The following DPP6 variants were observed in gnomAD, a reference collection of about 807,000 sequenced individuals.
DPP6 encodes the protein A-type potassium channel modulatory protein DPP6.
A neutral mutation model predicts 122.6 loss-of-function variants in DPP6; 69 were observed. The ratio of observed to expected loss-of-function variants is 0.56; its 90% CI spans 0.46 to 0.69. The LOEUF (loss-of-function observed/expected upper bound fraction) is 0.69, where lower values mean the gene tolerates loss of function less well. Among genes scored for constraint, DPP6 ranks in the 30% least tolerant of loss-of-function variants. The pLI is 0.00. For synonymous variants in DPP6, 418 were observed against 433.1 expected, an observed-to-expected ratio of 0.97 and a Z score of 0.43; for missense variants, 928 against 1,116.9, an observed-to-expected ratio of 0.83 and a Z score of 2.41.
At chr7:154,195,825 C>G (rs1243931438) in intron 1 of DPP6, among the ~76,000 whole-genome samples, 1 of 152,180 alleles carries the variant, frequency 6.6e-6, no homozygotes, top group Non-Finnish European at 1.5e-5. Context: ...TTCTAGAGGA[C>G]AGCAGTGTGT....
intron 1 of DPP6, among the ~76,000 whole-genome samples, chr7:154,377,720 C>A (rs114100845): frequency 6.6e-6 from 1 of 152,136 alleles, no homozygotes; most frequent in African/African-American, 2.4e-5. Context: ...CTGAGGCCTC[C>A]CCAGCCGTGT....
Position 154,892,572 on chromosome 7 carries a change from G to A in DPP6, c.*92G>A. 1.3e-6 allele frequency: 2 copies of A among 1,563,472 alleles called. No homozygotes were observed. Among genetic ancestry groups the A allele is most frequent in the South Asian group, 1.2e-5 (1 of 83,274 alleles). The stretch of plus-strand genomic sequence containing the variant: ...CCCTCCCTCTTCCCTCGGAGGGGCG[G>A]GGCGGGGCGGGGCCGGGTGTTCCAT... On this transcript the variant is annotated 3_prime_UTR_variant, in exon 26 of 26. Coordinates refer to ENST00000377770, the MANE Select transcript of DPP6 (RefSeq NM_130797.4).
intron 1 of DPP6, among the ~76,000 whole-genome samples, chr7:154,319,460 G>A (rs1585923998): frequency 6.6e-6 from 1 of 152,290 alleles, no homozygotes; most frequent in African/African-American, 2.4e-5. Flanking sequence ...TTGGGAGGCC[G>A]AGGCGGGTGG....
At chr7:154,432,801 T>C (rs1280030396) in intron 1 of DPP6, among the ~76,000 whole-genome samples, 3 of 152,316 alleles carry the variant, frequency 2.0e-5, no homozygotes, top group Non-Finnish European at 4.4e-5. Context: ...TGTTCGATAA[T>C]GATGTCACTG....
intron 1 of DPP6, among the ~76,000 whole-genome samples, chr7:154,327,043 G>A (rs894636668): frequency 5.9e-5 from 9 of 152,114 alleles, no homozygotes; most frequent in East Asian, 3.9e-4. Flanking sequence ...AGAGACGCCT[G>A]TGTCTAGGTG....
chr7:154,222,598 T>A (rs1246584726), intron 1 of DPP6, among the ~76,000 whole-genome samples: 1 of 147,608 alleles, frequency 6.8e-6, no homozygotes, highest in Admixed American at 6.7e-5. Flanking sequence ...GAGGTTGCAG[T>A]GAGCCGAGAT....
At chr7:154,528,186 C>T (rs1379546403) in intron 3 of DPP6, among the ~76,000 whole-genome samples, 2 of 152,086 alleles carry the variant, frequency 1.3e-5, no homozygotes, top group African/African-American at 4.8e-5. Flanking sequence ...GTAAGCTTTC[C>T]TTTTGGAAAT....
intron 1 of DPP6, among the ~76,000 whole-genome samples, chr7:154,310,775 C>T (rs1301289958): frequency 1.3e-5 from 2 of 152,172 alleles, no homozygotes; most frequent in South Asian, 4.1e-4. Flanking sequence ...GAGGAATGAA[C>T]AGCGTGCACG....
rs545731446 is a variant in DPP6, at chr7:154,769,714, C to G, written c.1038+143C>G. On this transcript the variant is annotated intron_variant, in intron 9 of 25. Coordinates refer to ENST00000377770, the MANE Select transcript of DPP6 (RefSeq NM_130797.4). The stretch of plus-strand genomic sequence containing the variant: ...AAGAAAGACTAATCATGTCTCATTA[C>G]ATTGCATTACATTCCCGCCTCTGTT... 110 of 1,155,400 alleles carry G rather than the reference C, an allele frequency of 9.5e-5. 1 individual carries two copies. The South Asian group carries it at 1.1e-3, about 12-fold the overall frequency. 71.6% of individuals were successfully genotyped at this position (1,155,400 alleles called of 1,614,324 possible). A position where few individuals can be genotyped will look rare whatever the true frequency, so the allele number is the denominator to read the frequency against.
chr7:153,979,521 T>C (rs905761137), intron 1 of DPP6, among the ~76,000 whole-genome samples: 2 of 152,256 alleles, frequency 1.3e-5, no homozygotes, highest in African/African-American at 2.4e-5. Flanking sequence ...CTCTTCCTAA[T>C]TGAATATGCT....
chr7:154,816,264 A>G (rs942230926), intron 16 of DPP6, among the ~76,000 whole-genome samples: 2 of 152,160 alleles, frequency 1.3e-5, no homozygotes, highest in African/African-American at 4.8e-5. Context: ...TATTATAAAC[A>G]ATAAGATATT....
At chr7:154,385,838 G>C (rs1423735600) in intron 1 of DPP6, among the ~76,000 whole-genome samples, 1 of 152,148 alleles carries the variant, frequency 6.6e-6, no homozygotes, top group Non-Finnish European at 1.5e-5. Context: ...AGGGGTCATT[G>C]CTAGGCAGGC....
intron 1 of DPP6, among the ~76,000 whole-genome samples, chr7:154,085,118 GA>G (rs369868288): frequency 4.1e-5 from 6 of 147,842 alleles, no homozygotes; most frequent in Admixed American, 1.4e-4. Context: ...AAAGAATAAA[GA>G]AAAAAAAAGA....
chr7:154,493,839 G>T (rs1824498014), intron 3 of DPP6, among the ~76,000 whole-genome samples: 1 of 152,130 alleles, frequency 6.6e-6, no homozygotes, highest in Non-Finnish European at 1.5e-5. Flanking sequence ...GTTTTGATTT[G>T]GTTTGGTTTA....
At chr7:154,341,235 G>A (rs1281474428) in intron 1 of DPP6, among the ~76,000 whole-genome samples, 1 of 152,196 alleles carries the variant, frequency 6.6e-6, no homozygotes, top group Non-Finnish European at 1.5e-5. Flanking sequence ...GTCAAGTGCA[G>A]CGAGGATTCC....
At chr7:154,276,141 G>T (rs1420966791) in intron 1 of DPP6, among the ~76,000 whole-genome samples, 1 of 152,134 alleles carries the variant, frequency 6.6e-6, no homozygotes, top group Non-Finnish European at 1.5e-5. Flanking sequence ...TACTGAGGGT[G>T]GGTCTATTTT....
chr7:154,607,000 G>T lies in DPP6; in HGVS notation c.628-30821G>T, dbSNP rs1412850171. The stretch of plus-strand genomic sequence containing the variant: ...CATACTGTACTGTTGTAATAATTTT[G>T]TAGCCACCTGCTGCTGCTATTATGG... On this transcript the variant is annotated intron_variant, in intron 5 of 25. Coordinates refer to ENST00000377770, the MANE Select transcript of DPP6 (RefSeq NM_130797.4). Among the ~76,000 whole-genome samples, 2 of 121,004 alleles carry T rather than the reference G, an allele frequency of 1.7e-5. 1 individual carries two copies. The highest frequency in any genetic ancestry group is 5.3e-5 in the African/African-American group (2 of 37,894). The allele number at this position is 121,004 out of a possible 152,430, so 79.4% of individuals were successfully genotyped here.
intron 1 of DPP6, among the ~76,000 whole-genome samples, chr7:153,956,128 C>T (rs1802450710): frequency 1.3e-5 from 2 of 152,130 alleles, no homozygotes; most frequent in South Asian, 4.1e-4. Flanking sequence ...CCCAATACAA[C>T]CTGGTGTAGG....
intron 1 of DPP6, among the ~76,000 whole-genome samples, chr7:154,315,165 T>C (rs1351261296): frequency 6.6e-6 from 1 of 152,204 alleles, no homozygotes. Flanking sequence ...ATGCATGCTT[T>C]GGAAGTATGC....
Sources: allele counts gnomAD v4.1 joint callset (sites outside exome capture counted in the v4.1 genomes callset), GRCh38; gene constraint gnomAD v4.1.1; transcripts MANE v1.5; gene names NCBI Gene and HGNC (gene_info 2026-07-23, HGNC 2026-07-21).